Variants in TGFB2 observed in about 807,000 individuals in gnomAD.
TGFB2 encodes transforming growth factor beta 2.
In TGFB2, 13 loss-of-function variants were observed where a neutral mutation model predicts 42.7. The observed-to-expected ratio is 0.30, with a 90% CI of 0.20 to 0.48. TGFB2 has a LOEUF of 0.48. Ranked by LOEUF, TGFB2 falls within the 20% of genes least tolerant of loss-of-function variation. The pLI is 0.99. For missense variants in TGFB2, 390 were observed against 517.5 expected (o/e 0.75, Z 2.39); for synonymous variants, 193 against 193.6 (o/e 1.00, Z 0.03).
intron 1 of TGFB2, among the ~76,000 whole-genome samples, chr1:218,368,949 G>A (rs371149426): frequency 2.0e-5 from 3 of 152,094 alleles, no homozygotes; most frequent in Admixed American, 6.6e-5. Flanking sequence ...CCAGAGGGCC[G>A]TGTAGCTGTT....
chr1:218,359,104 A>G (rs994402154), intron 1 of TGFB2, among the ~76,000 whole-genome samples: 2 of 152,008 alleles, frequency 1.3e-5, no homozygotes, highest in African/African-American at 4.8e-5. Context: ...GAGTGCACCA[A>G]ACCTCTGACT....
At chr1:218,426,810 T>C (rs967409358) in intron 2 of TGFB2, among the ~76,000 whole-genome samples, 1 of 152,194 alleles carries the variant, frequency 6.6e-6, no homozygotes, top group African/African-American at 2.4e-5. Context: ...AATATATATG[T>C]ATGTACATAT....
intron 2 of TGFB2, among the ~76,000 whole-genome samples, chr1:218,421,035 A>G (rs2102612235): frequency 6.6e-6 from 1 of 152,230 alleles, no homozygotes; most frequent in South Asian, 2.1e-4. Flanking sequence ...CCACTTCTGA[A>G]GGATAATCAT....
chr1:218,389,228 G>A (rs1658238822), intron 1 of TGFB2, among the ~76,000 whole-genome samples: 1 of 152,168 alleles, frequency 6.6e-6, no homozygotes, highest in Non-Finnish European at 1.5e-5. Context: ...ATTCATCATT[G>A]TTATGTGACT....
intron 2 of TGFB2, among the ~76,000 whole-genome samples, chr1:218,421,649 C>A (rs1255809997): frequency 2.0e-5 from 3 of 151,304 alleles, no homozygotes; most frequent in African/African-American, 7.3e-5. Flanking sequence ...CCTTCCCCTA[C>A]ACATAAAAAA....
chr1:218,400,797 G>A (rs941083966), intron 1 of TGFB2, among the ~76,000 whole-genome samples: 3 of 152,148 alleles, frequency 2.0e-5, no homozygotes, highest in African/African-American at 7.2e-5. Flanking sequence ...CATGGGTTGT[G>A]TGCCTGACCC....
rs6671080 is a variant in TGFB2, at chr1:218,369,181, G to A, written c.346+22134G>A. Among the ~76,000 whole-genome samples the A allele has an allele frequency of 6.3e-3, 899 of 143,768 alleles. 15 individuals are homozygous for A. Among genetic ancestry groups the A allele is most frequent in the African/African-American group, 0.022 (819 of 37,874 alleles). The allele number at this position is 143,768 out of a possible 152,430, so 94.3% of individuals were successfully genotyped here. A position where few individuals can be genotyped will look rare whatever the true frequency, so the allele number is the denominator to read the frequency against. On this transcript the variant is annotated intron_variant, in intron 1 of 6. Transcript: ENST00000366930. The stretch of plus-strand genomic sequence containing the variant: ...GAGACAGGAGAATCACTTCAACCCC[G>A]GAGGTGGAGGTTGCAGTAAGCCGAG...
intron 1 of TGFB2, among the ~76,000 whole-genome samples, chr1:218,350,381 G>A (rs2102531753): frequency 6.6e-6 from 1 of 152,202 alleles, no homozygotes; most frequent in Non-Finnish European, 1.5e-5. Context: ...AGGTGGAGGG[G>A]TGCTACCGGT....
intron 2 of TGFB2, among the ~76,000 whole-genome samples, chr1:218,420,879 C>T (rs982551391): frequency 6.6e-6 from 1 of 152,148 alleles, no homozygotes; most frequent in Non-Finnish European, 1.5e-5. Flanking sequence ...GATATGTATT[C>T]CACGGGAGCT....
intron 1 of TGFB2, among the ~76,000 whole-genome samples, chr1:218,353,722 T>C (rs79918460): frequency 0.016 from 2,375 of 152,038 alleles, 55 homozygotes; most frequent in South Asian, 0.03. Context: ...CATAGCAAGA[T>C]CTTGTCTCTA....
Position 218,434,462 on chromosome 1 carries a change from G to T in TGFB2, c.754+14G>T. 6.6e-7 allele frequency: 1 copy of T among 1,521,054 alleles called. No homozygotes were observed. The highest frequency in any genetic ancestry group is 1.1e-5 in the South Asian group (1 of 88,776). The allele number at this position is 1,521,054 out of a possible 1,614,324, so 94.2% of individuals were successfully genotyped here. On this transcript the variant is annotated intron_variant, in intron 4 of 6. Transcript: ENST00000366930. ...CAAGATTTGCAGGTAACCAAAACTTGGTCATATGAGGTGGGGGAGGGAAGG... is the reference window on the plus strand; with the variant it reads ...CAAGATTTGCAGGTAACCAAAACTTTGTCATATGAGGTGGGGGAGGGAAGG...
chr1:218,346,461 C>G lies in TGFB2; in HGVS notation c.-241C>G. Reference sequence around the variant, plus strand: ...TCTTACTCGCCAAAGTCAGGGTTCCCTCTGCCCGTCCCGTATTAATATTTC... The same window carrying G: ...TCTTACTCGCCAAAGTCAGGGTTCCGTCTGCCCGTCCCGTATTAATATTTC... On this transcript the variant is annotated 5_prime_UTR_variant, in exon 1 of 7. Transcript: ENST00000366930. This position sits in a 1 kb window ranked among gnomAD's most constrained non-coding sequence, Gnocchi z 4.9. The G allele has an allele frequency of 2.3e-6, 1 of 437,832 alleles. No homozygotes were observed. The highest frequency in any genetic ancestry group is 4.0e-6 in the Non-Finnish European group (1 of 252,370). 27.1% of individuals were successfully genotyped at this position (437,832 alleles called of 1,614,324 possible). A position where few individuals can be genotyped will look rare whatever the true frequency, so the allele number is the denominator to read the frequency against.
intron 1 of TGFB2, among the ~76,000 whole-genome samples, chr1:218,380,549 G>A (rs921943091): frequency 3.9e-5 from 6 of 152,046 alleles, no homozygotes; most frequent in African/African-American, 1.4e-4. Flanking sequence ...ATTGCACAAA[G>A]CAGCCAAATG....
chr1:218,376,555 T>C (rs1657747999), intron 1 of TGFB2, among the ~76,000 whole-genome samples: 1 of 152,170 alleles, frequency 6.6e-6, no homozygotes, highest in Non-Finnish European at 1.5e-5. Context: ...CCATACAACC[T>C]AGGTTTAAGT....
intron 1 of TGFB2, among the ~76,000 whole-genome samples, chr1:218,368,527 G>A (rs770875148): frequency 1.3e-5 from 2 of 152,344 alleles, no homozygotes; most frequent in South Asian, 2.1e-4. Context: ...CCCATGGGGA[G>A]CTTACATTCT....
chr1:218,346,675 C>T lies in TGFB2; in HGVS notation c.-27C>T. 2 of 1,555,968 alleles carry T rather than the reference C, an allele frequency of 1.3e-6. No individual in the cohort carries two copies. The highest frequency in any genetic ancestry group is 1.7e-6 in the Non-Finnish European group (2 of 1,150,484). Reference sequence around the variant, plus strand: ...TTTTTTTTATTCTGACTTTTAAAAACAACTTTTTTTTCCACTTTTTTAAAA... The same window carrying T: ...TTTTTTTTATTCTGACTTTTAAAAATAACTTTTTTTTCCACTTTTTTAAAA... On this transcript the variant is annotated 5_prime_UTR_variant, in exon 1 of 7. Coordinates refer to ENST00000366930, the MANE Select transcript of TGFB2 (RefSeq NM_003238.6). This position sits in a 1 kb window ranked among gnomAD's most constrained non-coding sequence, Gnocchi z 4.9.
At chr1:218,383,027 T>C (rs1433364465) in intron 1 of TGFB2, among the ~76,000 whole-genome samples, 3 of 152,234 alleles carry the variant, frequency 2.0e-5, no homozygotes, top group Non-Finnish European at 4.4e-5. Flanking sequence ...TAAATTCTTT[T>C]TGGAGTCTTC....
At chr1:218,426,117 A>G (rs954660287) in intron 2 of TGFB2, among the ~76,000 whole-genome samples, 2 of 152,258 alleles carry the variant, frequency 1.3e-5, no homozygotes, top group Non-Finnish European at 2.9e-5. Context: ...ATTTTTCTCT[A>G]CAGCACTATA....
chr1:218,369,256 G>GA (rs34825461), intron 1 of TGFB2, among the ~76,000 whole-genome samples: 387 of 35,658 alleles, frequency 0.011, 95 homozygotes, highest in East Asian at 0.017. Flanking sequence ...TTCCGTCTCA[G>GA]AAAAAAAAAA....
Sources: allele counts gnomAD v4.1 joint callset (sites outside exome capture counted in the v4.1 genomes callset), GRCh38; gene constraint gnomAD v4.1.1; non-coding constraint Gnocchi (gnomAD v3.1); transcripts MANE v1.5; gene names NCBI Gene and HGNC (gene_info 2026-07-23, HGNC 2026-07-21).